MNAT1: variants seen among roughly 807,000 people sequenced by gnomAD.
MNAT1 encodes CDK-activating kinase assembly factor MAT1.
Under a neutral mutation model 42.0 loss-of-function variants are expected in MNAT1, and 43 were observed. The observed-to-expected ratio is 1.02, with a 90% CI of 0.80 to 1.32. The LOEUF (loss-of-function observed/expected upper bound fraction) is 1.32, where lower values mean the gene tolerates loss of function less well. Among genes scored for constraint, MNAT1 ranks in the 40% most tolerant of loss-of-function variants. The pLI is 0.00. For synonymous variants in MNAT1, 118 were observed against 120.0 expected (o/e 0.98, Z 0.11); for missense variants, 306 against 350.4 (o/e 0.87, Z 1.01).
At chr14:60,830,563 C>G (rs1003051276) in intron 6 of MNAT1, among the ~76,000 whole-genome samples, 1 of 152,094 alleles carries the variant, frequency 6.6e-6, no homozygotes, top group African/African-American at 2.4e-5. Context: ...TGCTCATGAC[C>G]AGATATTTCC....
In MNAT1 at chr14:60,879,642, A is replaced by T. The variant is rs962972354; in HGVS notation, c.688-72A>T. Reference sequence around the variant, plus strand: ...AATGTGAGGAATTTAATTCATCTTTAAAATGATTATAAATAAGTAGCAATA... The same window carrying T: ...AATGTGAGGAATTTAATTCATCTTTTAAATGATTATAAATAAGTAGCAATA... On this transcript the variant is annotated intron_variant, in intron 6 of 7. Transcript: ENST00000261245. The T allele has an allele frequency of 1.0e-4, 149 of 1,424,072 alleles. 1 individual carries two copies. Among genetic ancestry groups the T allele is most frequent in the Non-Finnish European group, 1.2e-4 (126 of 1,040,272 alleles). The allele number at this position is 1,424,072 out of a possible 1,614,324, so 88.2% of individuals were successfully genotyped here.
At chr14:60,761,912 G>A (rs958143858) in intron 1 of MNAT1, among the ~76,000 whole-genome samples, 1 of 151,982 alleles carries the variant, frequency 6.6e-6, no homozygotes, top group Non-Finnish European at 1.5e-5. Context: ...ATTTTGTGTG[G>A]TTTGACAGTT....
intron 7 of MNAT1, among the ~76,000 whole-genome samples, chr14:60,948,202 G>A (rs992604709): frequency 6.6e-6 from 1 of 152,086 alleles, no homozygotes; most frequent in Non-Finnish European, 1.5e-5. Context: ...AGGCCAAGGC[G>A]GGAGAATTTC....
intron 6 of MNAT1, among the ~76,000 whole-genome samples, chr14:60,862,141 T>C (rs2034109535): frequency 6.6e-6 from 1 of 152,220 alleles, no homozygotes. Flanking sequence ...AGGTTTTTAC[T>C]AATTATTTTA....
chr14:60,844,374 A>G (rs1030163906), intron 6 of MNAT1, among the ~76,000 whole-genome samples: 5 of 152,008 alleles, frequency 3.3e-5, no homozygotes, highest in African/African-American at 1.2e-4. Flanking sequence ...TGCTTCATTT[A>G]TTTAGGGCCT....
At chr14:60,821,124 C>T (rs1269911809) in intron 6 of MNAT1, among the ~76,000 whole-genome samples, 1 of 152,128 alleles carries the variant, frequency 6.6e-6, no homozygotes, top group African/African-American at 2.4e-5. Flanking sequence ...CTTTCTCCTG[C>T]CCCCATCCAC....
chr14:60,898,127 G>T (rs1423550501), intron 7 of MNAT1, among the ~76,000 whole-genome samples: 1 of 93,008 alleles, frequency 1.1e-5, no homozygotes, highest in Non-Finnish European at 2.3e-5. Flanking sequence ...GTGTGTGTGT[G>T]TGTGTGTGTG....
chr14:60,897,920 C>T (rs1001925704), intron 7 of MNAT1, among the ~76,000 whole-genome samples: 3 of 152,102 alleles, frequency 2.0e-5, no homozygotes, highest in African/African-American at 7.2e-5. Context: ...CCTTCCCAGC[C>T]TCTGCTATAT....
intron 6 of MNAT1, among the ~76,000 whole-genome samples, chr14:60,823,236 G>C (rs2032951052): frequency 6.6e-6 from 1 of 152,146 alleles, no homozygotes; most frequent in Non-Finnish European, 1.5e-5. Context: ...TCACTACTTG[G>C]AGTACTCTCC....
Position 60,840,913 on chromosome 14 carries a change from C to T in MNAT1, c.687+22066C>T, listed in dbSNP as rs542664094. Among the ~76,000 whole-genome samples, 5 of 152,272 alleles carry T rather than the reference C, an allele frequency of 3.3e-5. No individual in the cohort carries two copies. In the South Asian group the frequency reaches 6.2e-4, roughly 19 times the overall value. On this transcript the variant is annotated intron_variant, in intron 6 of 7. Transcript: ENST00000261245. ...TTCCTGACCTCAGGTGATCCGCCCA[C>T]CTCAGTCTCCCAAGGTGCTGGGATT...
chr14:60,863,697 G>A (rs1187259843), intron 6 of MNAT1, among the ~76,000 whole-genome samples: 2 of 151,968 alleles, frequency 1.3e-5, no homozygotes, highest in African/African-American at 2.4e-5. Context: ...GTATTTGTGG[G>A]ACCACCACTA....
chr14:60,825,786 G>A (rs2033037346), intron 6 of MNAT1, among the ~76,000 whole-genome samples: 2 of 152,112 alleles, frequency 1.3e-5, no homozygotes, highest in African/African-American at 4.8e-5. Flanking sequence ...TTGAACTCTT[G>A]TTTCTAATAG....
chr14:60,803,428 G>T (rs750451472), intron 3 of MNAT1, among the ~76,000 whole-genome samples: 28 of 152,140 alleles, frequency 1.8e-4, no homozygotes, highest in Admixed American at 1.3e-4. Flanking sequence ...GAAACTCTAA[G>T]AGACAGGCAT....
chr14:60,793,571 C>A lies in MNAT1; in HGVS notation c.90-2646C>A, dbSNP rs188861431. ...ATATTTTGTAGAGGGAGGGATCTAG[C>A]CATGTTGTCTAGGCTGGTCTTATAT... On this transcript the variant is annotated intron_variant, in intron 1 of 7. Transcript: ENST00000261245. Among the ~76,000 whole-genome samples, 932 of 151,754 alleles carry A rather than the reference C, an allele frequency of 6.1e-3. 8 individuals are homozygous for A. Among genetic ancestry groups the A allele is most frequent in the Non-Finnish European group, 7.8e-3 (530 of 67,970 alleles).
chr14:60,888,977 T>A, intron 7 of MNAT1, among the ~76,000 whole-genome samples: 1 of 123,014 alleles, frequency 8.1e-6, no homozygotes, highest in African/African-American at 3.0e-5. Flanking sequence ...GAACATTCCA[T>A]GCTCATGGGT....
At chr14:60,799,419 T>C (rs1426505386) in intron 3 of MNAT1, 1 of 983,914 alleles carries the variant, frequency 1.0e-6, no homozygotes, top group African/African-American at 1.7e-5. Flanking sequence ...TCTATATAGA[T>C]ACTAAGTATA....
At chr14:60,834,900 G>C (rs547099662) in intron 6 of MNAT1, among the ~76,000 whole-genome samples, 2 of 150,608 alleles carry the variant, frequency 1.3e-5, no homozygotes, top group Non-Finnish European at 2.9e-5. Flanking sequence ...TTGTTGCATT[G>C]ATCCCTTTAC....
At position 60,900,048 on chromosome 14, in the gene MNAT1, A is replaced by ATCTCTCTCTCTCTCTC. The variant is rs61149455; in HGVS notation, c.809+20233_809+20248dup. Among the ~76,000 whole-genome samples, 79 of 136,410 alleles carry ATCTCTCTCTCTCTCTC rather than the reference A, an allele frequency of 5.8e-4. 2 individuals are homozygous for ATCTCTCTCTCTCTCTC. The highest frequency in any genetic ancestry group is 1.5e-3 in the Admixed American group (20 of 13,486). The allele number at this position is 136,410 out of a possible 152,430, so 89.5% of individuals were successfully genotyped here. On this transcript the variant is annotated intron_variant, in intron 7 of 7. Coordinates refer to ENST00000261245, the MANE Select transcript of MNAT1 (RefSeq NM_002431.4). ...TGTTCTTCTGACTGGCTGTTTCCCC[A>ATCTCTCTCTCTCTCTC]TCTCTCTCTCTCTCTCTCTCTCTCT...
intron 6 of MNAT1, among the ~76,000 whole-genome samples, chr14:60,823,214 A>G (rs1452190800): frequency 6.6e-6 from 1 of 152,198 alleles, no homozygotes; most frequent in South Asian, 2.1e-4. Context: ...ATCAAATTCT[A>G]AAACTGAAAA....
Sources: gnomAD v4.1 joint callset for allele counts (sites outside exome capture counted in the v4.1 genomes callset) on GRCh38, gnomAD v4.1.1 for gene constraint, MANE v1.5 for transcripts, NCBI Gene and HGNC (gene_info 2026-07-23, HGNC 2026-07-21) for gene names.